NCKAP5: variants seen among roughly 807,000 people sequenced by gnomAD.
NCKAP5 encodes the protein NCK associated protein 5.
A neutral mutation model predicts 167.0 loss-of-function variants in NCKAP5; 92 were observed. The observed-to-expected ratio is 0.55, with a 90% CI of 0.47 to 0.66. The LOEUF (loss-of-function observed/expected upper bound fraction) is 0.66, where lower values mean the gene tolerates loss of function less well. NCKAP5 is among the 30% of genes least tolerant of loss of function. NCKAP5 has a pLI of 0.00. For synonymous variants in NCKAP5, 891 were observed against 877.4 expected (o/e 1.02, Z -0.27); for missense variants, 2,378 against 2,315.0 (o/e 1.03, Z -0.56).
chr2:132,965,907 T>TGTGTGTGC (rs2076649174), intron 7 of NCKAP5, among the ~76,000 whole-genome samples: 1 of 133,044 alleles, frequency 7.5e-6, no homozygotes, highest in African/African-American at 2.7e-5. Flanking sequence ...TGACTCTTTG[T>TGTGTGTGC]GTGTGTGTGT....
chr2:132,992,596 C>T (rs957608361), intron 7 of NCKAP5, among the ~76,000 whole-genome samples: 5 of 152,156 alleles, frequency 3.3e-5, no homozygotes, highest in Admixed American at 1.3e-4. Flanking sequence ...AATGCAGAAT[C>T]GAGTCGCATT....
chr2:133,254,811 T>C (rs1040926193), intron 4 of NCKAP5, among the ~76,000 whole-genome samples: 2 of 152,166 alleles, frequency 1.3e-5, no homozygotes, highest in East Asian at 3.8e-4. Context: ...TCATAAAGTA[T>C]ATCACAGAAT....
chr2:133,637,165 C>T, the NCKAP5 span, among the ~76,000 whole-genome samples: 2 of 151,126 alleles, frequency 1.3e-5, no homozygotes, highest in Non-Finnish European at 2.9e-5. Context: ...ACCTACTTTC[C>T]CGCACTTCTC....
rs183369472 is a variant in NCKAP5 at position 132,738,870 on chromosome 2, C to T, written c.5129-6819G>A. 3.7e-3 allele frequency among the ~76,000 whole-genome samples: 570 copies of T among 152,066 alleles called. 5 individuals carry two copies. The highest frequency in any genetic ancestry group is 0.013 in the African/African-American group (531 of 41,470). On this transcript the variant is annotated intron_variant, in intron 16 of 19. Coordinates refer to ENST00000409261, the MANE Select transcript of NCKAP5 (RefSeq NM_207363.3). ...TGAACCAATACAGTGAGATCTCACA[C>T]ATTACTTCAAGGAGGGCACCAAGCC...
At chr2:133,487,968 GACAGAACTGCATTTTCACTTTA>G (rs988151202) in intron 3 of NCKAP5, among the ~76,000 whole-genome samples, 1 of 152,170 alleles carries the variant, frequency 6.6e-6, no homozygotes, top group South Asian at 2.1e-4. Context: ...TACTGAGCCA[GACAGAACTGCATTTTCACTTTA>G]ACAGAACTGC....
upstream of NCKAP5, among the ~76,000 whole-genome samples, chr2:133,571,434 C>T (rs1688864046): frequency 6.6e-6 from 1 of 152,166 alleles, no homozygotes; most frequent in Admixed American, 6.5e-5. Context: ...GCTGCCAAAA[C>T]TCCCCCCACC....
the NCKAP5 span, among the ~76,000 whole-genome samples, chr2:133,640,912 C>T: frequency 1.3e-5 from 2 of 152,196 alleles, no homozygotes. Flanking sequence ...TCCTAAGAAT[C>T]CATGACATAC....
At chr2:132,816,674 C>G (rs1686298574) in intron 11 of NCKAP5, among the ~76,000 whole-genome samples, 1 of 152,190 alleles carries the variant, frequency 6.6e-6, no homozygotes, top group Admixed American at 6.5e-5. Context: ...CTGAACACTC[C>G]TCAGTTTTCC....
At chr2:133,439,850 T>C (rs921648794) in intron 3 of NCKAP5, among the ~76,000 whole-genome samples, 2 of 152,214 alleles carry the variant, frequency 1.3e-5, no homozygotes, top group Non-Finnish European at 2.9e-5. Flanking sequence ...TATGGACTAA[T>C]AATTGTGATA....
intron 9 of NCKAP5, among the ~76,000 whole-genome samples, chr2:132,872,535 A>G (rs1465745771): frequency 6.6e-6 from 1 of 152,230 alleles, no homozygotes; most frequent in African/African-American, 2.4e-5. Flanking sequence ...CAGTTTATTC[A>G]GAGAGGGAGC....
At chr2:133,091,232 C>T (rs915050865) in intron 6 of NCKAP5, among the ~76,000 whole-genome samples, 1 of 152,170 alleles carries the variant, frequency 6.6e-6, no homozygotes, top group African/African-American at 2.4e-5. Flanking sequence ...CAAGATATTT[C>T]TTCATAGGCA....
At chr2:132,810,197 C>G (rs928146202) in intron 11 of NCKAP5, among the ~76,000 whole-genome samples, 1 of 151,634 alleles carries the variant, frequency 6.6e-6, no homozygotes, top group African/African-American at 2.4e-5. Flanking sequence ...CCTGGTGCCT[C>G]TTAGGATTCT....
the NCKAP5 span, among the ~76,000 whole-genome samples, chr2:133,672,339 G>A: frequency 5.9e-5 from 9 of 152,202 alleles, no homozygotes; most frequent in African/African-American, 2.2e-4. Flanking sequence ...CTCAAAGTGT[G>A]GTCCAGGAAC....
chr2:133,103,737 A>C (rs1466102981), intron 6 of NCKAP5, among the ~76,000 whole-genome samples: 1 of 152,152 alleles, frequency 6.6e-6, no homozygotes, highest in Non-Finnish European at 1.5e-5. Flanking sequence ...CTATGATTAC[A>C]CTGCTGCACT....
the NCKAP5 span, among the ~76,000 whole-genome samples, chr2:133,645,710 G>A: frequency 2.0e-5 from 3 of 152,196 alleles, no homozygotes; most frequent in East Asian, 1.9e-4. Flanking sequence ...GACCTGACAC[G>A]TGGCACCTGC....
intron 8 of NCKAP5, among the ~76,000 whole-genome samples, chr2:132,904,220 G>A (rs890650372): frequency 6.6e-5 from 10 of 151,888 alleles, no homozygotes; most frequent in South Asian, 2.1e-4. Context: ...CATGGGAGGC[G>A]GAGCTTGCAG....
chr2:133,671,166 G>A, the NCKAP5 span, among the ~76,000 whole-genome samples: 5 of 131,998 alleles, frequency 3.8e-5, no homozygotes, highest in Non-Finnish European at 7.6e-5. Flanking sequence ...AGCGAGCCAA[G>A]ATCGTGCCAT....
At chr2:133,477,490 G>T (rs1489029188) in intron 3 of NCKAP5, among the ~76,000 whole-genome samples, 1 of 152,130 alleles carries the variant, frequency 6.6e-6, no homozygotes, top group Non-Finnish European at 1.5e-5. Flanking sequence ...TTCCTCAGGG[G>T]ATCTGTTCCA....
chr2:133,015,975 T>C (rs1048651900), intron 6 of NCKAP5, among the ~76,000 whole-genome samples: 2 of 151,812 alleles, frequency 1.3e-5, no homozygotes, highest in African/African-American at 4.8e-5. Flanking sequence ...AAACAGCAGG[T>C]ACAAAGGCAC....
Sources: gnomAD v4.1 joint callset for allele counts (sites outside exome capture counted in the v4.1 genomes callset) on GRCh38, gnomAD v4.1.1 for gene constraint, MANE v1.5 for transcripts, NCBI Gene and HGNC (gene_info 2026-07-23, HGNC 2026-07-21) for gene names.